Variants in NDUFA12 observed in about 807,000 individuals in gnomAD.
NDUFA12 encodes the protein NADH:ubiquinone oxidoreductase subunit A12, also known as NADH dehydrogenase [ubiquinone] 1 alpha subcomplex subunit 12.
A neutral mutation model predicts 20.3 loss-of-function variants in NDUFA12; 17 were observed. That is an observed-to-expected ratio of 0.84 (90% CI 0.57 to 1.26). The LOEUF (loss-of-function observed/expected upper bound fraction) is 1.26. Ranked by LOEUF, NDUFA12 falls within the 50% of genes most tolerant of loss-of-function variation. The probability of loss-of-function intolerance (pLI) is 0.00; values close to 1 mark genes in which losing one functional copy is unlikely to be tolerated. For synonymous variants in NDUFA12, 72 were observed against 63.6 expected, an observed-to-expected ratio of 1.13 and a Z score of -0.63; for missense variants, 191 against 183.7, an observed-to-expected ratio of 1.04 and a Z score of -0.23.
intron 3 of NDUFA12, among the ~76,000 whole-genome samples, chr12:94,974,322 CTT>C (rs1452302881): frequency 2.0e-5 from 3 of 152,098 alleles, no homozygotes; most frequent in South Asian, 4.2e-4. Flanking sequence ...GTTAAAATGG[CTT>C]TTATACAAAA....
rs149722652 is a variant in NDUFA12, at chr12:94,974,337, C to T, written c.258-2717G>A. Among the ~76,000 whole-genome samples the T allele has an allele frequency of 5.9e-3, 895 of 152,162 alleles. 6 individuals carry two copies. The highest frequency in any genetic ancestry group is 9.9e-3 in the Non-Finnish European group (675 of 67,998). On this transcript the variant is annotated intron_variant, in intron 3 of 3. Coordinates refer to ENST00000327772, the MANE Select transcript of NDUFA12 (RefSeq NM_018838.5). Reference sequence around the variant, plus strand: ...GTTAAAATGGCTTTTATACAAAAGACAGGCAATAATAAATGCTGGGAGGAT... The same window carrying T: ...GTTAAAATGGCTTTTATACAAAAGATAGGCAATAATAAATGCTGGGAGGAT...
chr12:94,994,969 C>CT (rs1057504050), intron 2 of NDUFA12, among the ~76,000 whole-genome samples: 92 of 152,246 alleles, frequency 6.0e-4, no homozygotes, highest in African/African-American at 2.1e-3. Context: ...AAGTGGATGA[C>CT]TATACCTACA....
chr12:94,985,012 GATAAAATAAA>G (rs1327187233), intron 3 of NDUFA12, among the ~76,000 whole-genome samples: 48 of 147,212 alleles, frequency 3.3e-4, no homozygotes, highest in African/African-American at 1.2e-3. Context: ...CATAAAATAA[GATAAAATAAA>G]ATAAAATAAA....
chr12:94,971,815 TA>T (rs1873896541), intron 3 of NDUFA12, 195 bp from the exon 4 acceptor site: 3 of 763,882 alleles, frequency 3.9e-6, no homozygotes, highest in Admixed American at 1.8e-5. Context: ...GGTATAAACA[TA>T]AAAGGAGATA....
intron 2 of NDUFA12, among the ~76,000 whole-genome samples, chr12:95,001,790 C>T (rs1034152406): frequency 3.9e-5 from 6 of 152,048 alleles, no homozygotes; most frequent in Non-Finnish European, 7.4e-5. Flanking sequence ...CTGCAACTTC[C>T]GACTCCCTGG....
chr12:94,998,608 A>G (rs1305903242), intron 2 of NDUFA12, among the ~76,000 whole-genome samples: 1 of 152,216 alleles, frequency 6.6e-6, no homozygotes, highest in East Asian at 1.9e-4. Context: ...AAGCTCCTAG[A>G]CCTGATAAAT....
chr12:94,980,511 C>T (rs747341778), intron 3 of NDUFA12, among the ~76,000 whole-genome samples: 1 of 151,898 alleles, frequency 6.6e-6, no homozygotes, highest in Non-Finnish European at 1.5e-5. Context: ...AACAAATTGG[C>T]CTTTCAAGGG....
intron 3 of NDUFA12, among the ~76,000 whole-genome samples, chr12:94,975,383 CACATTA>C (rs1328055999): frequency 6.6e-6 from 1 of 152,094 alleles, no homozygotes; most frequent in Non-Finnish European, 1.5e-5. Flanking sequence ...CAAGGCAATG[CACATTA>C]AGGTATAATT....
intron 3 of NDUFA12, among the ~76,000 whole-genome samples, chr12:94,978,052 A>G (rs182697265): frequency 6.6e-6 from 1 of 152,286 alleles, no homozygotes; most frequent in East Asian, 1.9e-4. Context: ...AAGAAGGCCA[A>G]TGTGGCCAAG....
chr12:95,002,869 C>T (rs1248480429), intron 1 of NDUFA12, 48 bp from the exon 2 acceptor site: 28 of 1,506,658 alleles, frequency 1.9e-5, no homozygotes, highest in Non-Finnish European at 2.3e-5. Flanking sequence ...ATTCTTAGTT[C>T]AAAACATAAA....
intron 2 of NDUFA12, among the ~76,000 whole-genome samples, chr12:94,998,211 T>C (rs927633091): frequency 7.2e-5 from 11 of 152,054 alleles, no homozygotes; most frequent in African/African-American, 2.7e-4. Context: ...ATCACATAAA[T>C]AGAATTAAAA....
intron 2 of NDUFA12, among the ~76,000 whole-genome samples, chr12:94,995,665 C>T (rs920271228): frequency 1.5e-5 from 2 of 135,826 alleles, no homozygotes; most frequent in Non-Finnish European, 3.4e-5. Flanking sequence ...TCCCGAGTAG[C>T]TGGGACCATA....
chr12:94,996,421 A>G (rs975752913), intron 2 of NDUFA12, among the ~76,000 whole-genome samples: 1 of 149,964 alleles, frequency 6.7e-6, no homozygotes, highest in Non-Finnish European at 1.5e-5. Context: ...TGATCCTCCC[A>G]CCTTAGCCTC....
In NDUFA12 at chr12:94,973,803, C is replaced by G. The variant is rs73370661; in HGVS notation, c.258-2183G>C. 4.3e-3 allele frequency among the ~76,000 whole-genome samples: 649 copies of G among 152,052 alleles called. 6 individuals carry two copies. The highest frequency in any genetic ancestry group is 0.015 in the African/African-American group (612 of 41,460). On this transcript the variant is annotated intron_variant, in intron 3 of 3. Transcript: ENST00000327772. The stretch of plus-strand genomic sequence containing the variant: ...GGGAATTAATAAATAATAAACTATA[C>G]CCATTATGGCAGTTTATAAAGAATT...
intron 2 of NDUFA12, chr12:94,997,184 TACACACACACACGCACACACACGC>T (rs1874861608): frequency 5.0e-6 from 1 of 201,236 alleles, no homozygotes; most frequent in African/African-American, 2.4e-5. Context: ...CACTCACACA[TACACACACACACGCACACACACGC>T]ACACACATAG....
intron 1 of NDUFA12, 75 bp downstream of exon 1, chr12:95,003,520 C>T: frequency 6.7e-7 from 1 of 1,482,734 alleles, no homozygotes; most frequent in Non-Finnish European, 9.4e-7. Context: ...GTGACCCGAG[C>T]CTGGGACCCC....
At chr12:94,974,173 T>C (rs762410966) in intron 3 of NDUFA12, among the ~76,000 whole-genome samples, 3 of 152,026 alleles carry the variant, frequency 2.0e-5, no homozygotes, top group Non-Finnish European at 4.4e-5. Flanking sequence ...GGTTTCACCA[T>C]GTTGTCCAGG....
chr12:95,003,594 C>A lies in NDUFA12; in HGVS notation c.86+1G>T, dbSNP rs1306022964. On this transcript the variant is annotated splice_donor_variant, in intron 1 of 3. Transcript: ENST00000327772. LOFTEE classifies it high-confidence loss of function. The stretch of plus-strand genomic sequence containing the variant: ...CCAAGAGCATGGCTCTGGCCGCCTA[C>A]CTGAAAAAAACCCGTAGATAGCCTC... The A allele has an allele frequency of 6.2e-6, 10 of 1,614,084 alleles. No individual in the cohort carries two copies. The highest frequency in any genetic ancestry group is 8.5e-7 in the Non-Finnish European group (1 of 1,180,026).
At chr12:94,980,732 T>G (rs1874208575) in intron 3 of NDUFA12, among the ~76,000 whole-genome samples, 1 of 151,918 alleles carries the variant, frequency 6.6e-6, no homozygotes, top group African/African-American at 2.4e-5. Context: ...GACATGTTAC[T>G]AAGAAATGAA....
Sources: allele counts gnomAD v4.1 joint callset (sites outside exome capture counted in the v4.1 genomes callset), GRCh38; gene constraint gnomAD v4.1.1; transcripts MANE v1.5; gene names NCBI Gene and HGNC (gene_info 2026-07-23, HGNC 2026-07-21).